The following COL4A2 variants were observed in gnomAD, a reference collection of about 807,000 sequenced individuals.
The protein encoded by COL4A2 is collagen alpha-2(IV) chain.
COL4A2 carries 99 observed loss-of-function variants against 200.2 expected under a neutral mutation model. The ratio of observed to expected loss-of-function variants is 0.49; its 90% confidence interval spans 0.42 to 0.58. The LOEUF (loss-of-function observed/expected upper bound fraction) is 0.58, where lower values mean the gene tolerates loss of function less well. Ranked by LOEUF, COL4A2 falls within the 20% of genes least tolerant of loss-of-function variation. COL4A2 has a pLI of 0.00. For synonymous variants in COL4A2, 897 were observed against 900.6 expected (o/e 1.00, Z 0.07); for missense variants, 1,950 against 2,314.1 (o/e 0.84, Z 3.23).
chr13:110,320,295 C>A (rs1885244346), intron 3 of COL4A2, among the ~76,000 whole-genome samples: 1 of 152,194 alleles, frequency 6.6e-6, no homozygotes, highest in Admixed American at 6.5e-5. Flanking sequence ...TACGGCGACC[C>A]CCTGCCGCGT....
intron 29 of COL4A2, 126 bp downstream of exon 29, chr13:110,473,276 C>A: frequency 2.5e-6 from 2 of 810,692 alleles, no homozygotes; most frequent in Non-Finnish European, 1.9e-6. Flanking sequence ...GCCATGCGTA[C>A]CTTCTCCCAT....
rs1883223753 is a variant in COL4A2, at chr13:110,489,754, G to A, written c.3315G>A (p.Leu1105=). Residue 1105 remains leucine, a synonymous_variant, in exon 36 of 48, where the codon CTG becomes CTA. Coordinates refer to ENST00000360467, the MANE Select transcript of COL4A2 (RefSeq NM_001846.4). Reference sequence around the variant, plus strand: ...TAAATTTACCAGGAAGACCAGGCCTGAAGGGGGAGCGGGGCACCACTGGAA... The same window carrying A: ...TAAATTTACCAGGAAGACCAGGCCTAAAGGGGGAGCGGGGCACCACTGGAA... ...DTINLPGRPG[L]KGERGTTGIP... is the part of the protein sequence containing the mutation. 2 of 1,613,340 alleles carry A rather than the reference G, an allele frequency of 1.2e-6. No homozygotes were observed. Among genetic ancestry groups the A allele is most frequent in the Non-Finnish European group, 1.7e-6 (2 of 1,179,816 alleles).
Position 110,325,807 on chromosome 13 carries a change from G to A in COL4A2, c.99+17684G>A, listed in dbSNP as rs181705781. ...GAATTTCTTTTTTTTTTTTTTAGACGGAGTCTCACTCTGTCGCCCAGGCTG... is the reference window on the plus strand; with the variant it reads ...GAATTTCTTTTTTTTTTTTTTAGACAGAGTCTCACTCTGTCGCCCAGGCTG... On this transcript the variant is annotated intron_variant, in intron 3 of 47. Transcript: ENST00000360467. Among the ~76,000 whole-genome samples, 83 of 150,764 alleles carry A rather than the reference G, an allele frequency of 5.5e-4. 2 individuals are homozygous for A. In the East Asian group the frequency reaches 9.3e-3, roughly 17 times the overall value.
chr13:110,363,645 G>T (rs1460413975), intron 4 of COL4A2, among the ~76,000 whole-genome samples: 1 of 152,170 alleles, frequency 6.6e-6, no homozygotes, highest in Non-Finnish European at 1.5e-5. Flanking sequence ...GGTGCCCCAC[G>T]CAGATATGAA....
chr13:110,484,754 G>A, intron 32 of COL4A2, 151 bp from the exon 33 acceptor site: 2 of 1,150,818 alleles, frequency 1.7e-6, no homozygotes, highest in South Asian at 4.6e-5. Context: ...ATGGACACAG[G>A]AGAGGCTTCT....
At chr13:110,353,351 G>T (rs1877043673) in intron 3 of COL4A2, among the ~76,000 whole-genome samples, 1 of 152,220 alleles carries the variant, frequency 6.6e-6, no homozygotes, top group Non-Finnish European at 1.5e-5. Context: ...ACAAGAATAG[G>T]ATCGCGGCTT....
At chr13:110,487,763 A>G (rs73621080) in intron 34 of COL4A2, among the ~76,000 whole-genome samples, 5,332 of 152,332 alleles carry the variant, frequency 0.035, 309 homozygotes, top group African/African-American at 0.12. Context: ...GTGAAGTTCA[A>G]GAACTGACAA....
intron 16 of COL4A2, among the ~76,000 whole-genome samples, chr13:110,444,221 G>A (rs1881239731): frequency 6.6e-6 from 1 of 152,218 alleles, no homozygotes; most frequent in African/African-American, 2.4e-5. Flanking sequence ...AGCAGAGATG[G>A]CAACACGTGG....
At chr13:110,355,604 C>T (rs9515193) in intron 3 of COL4A2, among the ~76,000 whole-genome samples, 2 of 52,310 alleles carry the variant, frequency 3.8e-5, no homozygotes, top group Non-Finnish European at 6.5e-5. Flanking sequence ...ACCAGCTCAC[C>T]TGTGTGTGTG....
In COL4A2 at chr13:110,449,731, G is replaced by C; in HGVS notation, c.1131G>C (p.Gln377His). The C allele has an allele frequency of 6.5e-7, 1 of 1,549,706 alleles. No homozygotes were observed. The highest frequency in any genetic ancestry group is 8.7e-7 in the Non-Finnish European group (1 of 1,146,650). Residue 377 changes from glutamine to histidine, a missense_variant, in exon 19 of 48, where the codon CAG becomes CAC. Gln to His is a conservative substitution (Grantham distance 24). This residue lies in a region of COL4A2 where 565 missense variants were observed against 593.5 expected (regional missense o/e 0.95). Coordinates refer to ENST00000360467, the MANE Select transcript of COL4A2 (RefSeq NM_001846.4). ...GGGCCCAAGGGGAGCCAGGAAGCCA[G>C]GGTGAGCCAGGAGACCCGGGCCTCC... Reference protein sequence around the residue: ...FPGAQGEPGSQGEPGDPGLPG... With the variant: ...FPGAQGEPGSHGEPGDPGLPG...
intron 4 of COL4A2, among the ~76,000 whole-genome samples, chr13:110,411,546 T>C (rs1879837518): frequency 6.6e-6 from 1 of 152,180 alleles, no homozygotes; most frequent in Non-Finnish European, 1.5e-5. Flanking sequence ...GGAGGGGGAT[T>C]AATGAGCCGT....
chr13:110,341,840 T>C (rs991617310), intron 3 of COL4A2, among the ~76,000 whole-genome samples: 2 of 152,232 alleles, frequency 1.3e-5, no homozygotes, highest in African/African-American at 4.8e-5. Context: ...AGGAGCATAA[T>C]AAAAGCGGAT....
At chr13:110,315,317 G>A (rs971753862) in intron 3 of COL4A2, among the ~76,000 whole-genome samples, 1 of 152,196 alleles carries the variant, frequency 6.6e-6, no homozygotes, top group Non-Finnish European at 1.5e-5. Flanking sequence ...CTTTAGGATC[G>A]AGGATTATAA....
intron 40 of COL4A2, among the ~76,000 whole-genome samples, chr13:110,501,097 G>C (rs1471908627): frequency 5.3e-5 from 8 of 152,228 alleles, no homozygotes; most frequent in Non-Finnish European, 4.4e-5. Flanking sequence ...GTGAATGCCA[G>C]TGTTGATTTG....
chr13:110,453,276 C>T (rs1442631633), intron 20 of COL4A2, among the ~76,000 whole-genome samples: 1 of 151,970 alleles, frequency 6.6e-6, no homozygotes. Context: ...CCGAGGGGGG[C>T]CGATCACCTG....
chr13:110,365,164 G>T (rs763111379), intron 4 of COL4A2, among the ~76,000 whole-genome samples: 5 of 151,480 alleles, frequency 3.3e-5, no homozygotes, highest in African/African-American at 9.7e-5. Flanking sequence ...TTTTCGAGGC[G>T]GAGTTTCGCT....
At chr13:110,376,858 G>C (rs775165523) in intron 4 of COL4A2, among the ~76,000 whole-genome samples, 3 of 152,146 alleles carry the variant, frequency 2.0e-5, no homozygotes, top group Admixed American at 6.5e-5. Context: ...TGAGACTGAC[G>C]CATCCTGCTT....
At position 110,482,548 on chromosome 13, in the gene COL4A2, CA is replaced by C. The variant is rs1157389402; in HGVS notation, c.2793del (p.Gly932AlafsTer26). On this transcript the variant is annotated frameshift_variant, in exon 32 of 48. Transcript: ENST00000360467. LOFTEE classifies it high-confidence loss of function. ...AGGCTCACCTGGGATGGATGGTTTC[CA>C]AGGCATGCCTGGACTCAAAGGGAGA... ...DRGSPGMDGFQGMPGLKGRPG... is the reference protein window; with the variant it reads ...DRGSPGMDGFXGMPGLKGRPG... 1 of 1,614,118 alleles carries C rather than the reference CA, an allele frequency of 6.2e-7. No homozygotes were observed. Among genetic ancestry groups the C allele is most frequent in the East Asian group, 2.2e-5 (1 of 44,878 alleles).
intron 4 of COL4A2, 123 bp downstream of exon 4, chr13:110,357,675 A>G: frequency 1.4e-6 from 2 of 1,403,692 alleles, no homozygotes; most frequent in Non-Finnish European, 1.9e-6. Flanking sequence ...AACATACTGG[A>G]GAGTACTCAC....
Sources: allele counts gnomAD v4.1 joint callset (sites outside exome capture counted in the v4.1 genomes callset), GRCh38; gene constraint gnomAD v4.1.1; regional missense constraint gnomAD v4.1.1; transcripts MANE v1.5; gene names NCBI Gene and HGNC (gene_info 2026-07-23, HGNC 2026-07-21).